Variants in HTR1E observed in about 807,000 individuals in gnomAD.
HTR1E encodes 5-HT-1E.
Under a neutral mutation model 3.4 loss-of-function variants are expected in HTR1E, and 3 were observed. That is an observed-to-expected ratio of 0.89 (90% CI 0.41 to 2.31). The LOEUF (loss-of-function observed/expected upper bound fraction) is 2.31, where lower values mean the gene tolerates loss of function less well. HTR1E is among the 30% of genes most tolerant of loss of function. The pLI is 0.05. For missense variants in HTR1E, 392 were observed against 467.0 expected (o/e 0.84, Z 1.48); for synonymous variants, 170 against 182.8 (o/e 0.93, Z 0.56).
At chr6:87,000,744 T>C (rs1334718140) in intron 1 of HTR1E, among the ~76,000 whole-genome samples, 1 of 152,156 alleles carries the variant, frequency 6.6e-6, no homozygotes, top group Non-Finnish European at 1.5e-5. Flanking sequence ...CTGCAAGAAA[T>C]GCAAAGGAAG....
intron 1 of HTR1E, among the ~76,000 whole-genome samples, chr6:86,956,065 C>T (rs1767318234): frequency 6.6e-6 from 1 of 152,156 alleles, no homozygotes; most frequent in African/African-American, 2.4e-5. Context: ...GATCTCAAGA[C>T]TGACCAAAGA....
At chr6:87,009,557 G>C (rs1230815532) in intron 1 of HTR1E, among the ~76,000 whole-genome samples, 1 of 148,548 alleles carries the variant, frequency 6.7e-6, no homozygotes, top group African/African-American at 2.5e-5. Flanking sequence ...ATCCTGGCCC[G>C]TTCTCAATGA....
intron 1 of HTR1E, among the ~76,000 whole-genome samples, chr6:86,963,827 A>C (rs987802701): frequency 2.0e-5 from 3 of 152,338 alleles, no homozygotes; most frequent in Middle Eastern, 3.4e-3. Flanking sequence ...ATGTTCACAC[A>C]GGGACAAAAT....
intron 1 of HTR1E, among the ~76,000 whole-genome samples, chr6:86,939,266 TA>T (rs1301720084): frequency 4.6e-5 from 7 of 152,228 alleles, no homozygotes; most frequent in African/African-American, 1.7e-4. Flanking sequence ...GCCCACCTCC[TA>T]AGTGGGACTC....
At chr6:86,938,715 C>T (rs750709470) in intron 1 of HTR1E, among the ~76,000 whole-genome samples, 21 of 152,194 alleles carry the variant, frequency 1.4e-4, no homozygotes, top group Non-Finnish European at 2.8e-4. Context: ...TGCACCAAAT[C>T]TCTTGGGGAG....
intron 1 of HTR1E, among the ~76,000 whole-genome samples, chr6:86,941,393 A>G (rs946870413): frequency 6.6e-6 from 1 of 152,206 alleles, no homozygotes. Flanking sequence ...TGTCTCATGC[A>G]CTGTGGATTA....
intron 1 of HTR1E, among the ~76,000 whole-genome samples, chr6:86,952,963 G>A (rs1361816133): frequency 6.6e-6 from 1 of 152,120 alleles, no homozygotes; most frequent in African/African-American, 2.4e-5. Context: ...AGGTTTTATG[G>A]GCTTCCATTA....
chr6:86,948,700 T>TG (rs1197738982), intron 1 of HTR1E, among the ~76,000 whole-genome samples: 1 of 152,052 alleles, frequency 6.6e-6, no homozygotes, highest in African/African-American at 2.4e-5. Context: ...AAGAGTGACA[T>TG]GGGACCCAGG....
Position 86,979,315 on chromosome 6 carries a change from A to G in HTR1E, c.-185-35835A>G, listed in dbSNP as rs752705409. On this transcript the variant is annotated intron_variant, in intron 1 of 1. Coordinates refer to ENST00000305344, the MANE Select transcript of HTR1E (RefSeq NM_000865.3). ...AACCATAATCATATGCAAATTTGTT[A>G]TGTATGTGTATATACTTTTCTGAAA... is the stretch of plus-strand genomic sequence containing the variant. 2.5e-4 allele frequency among the ~76,000 whole-genome samples: 38 copies of G among 152,338 alleles called. 1 individual carries two copies. The Middle Eastern group carries it at 0.014, about 55-fold the overall frequency.
intron 1 of HTR1E, among the ~76,000 whole-genome samples, chr6:86,975,661 A>T (rs985204903): frequency 1.1e-4 from 17 of 152,074 alleles, no homozygotes; most frequent in Admixed American, 9.2e-4. Flanking sequence ...ATTACAAATA[A>T]TAAAATTTTT....
At chr6:87,006,120 C>T (rs1478068619) in intron 1 of HTR1E, among the ~76,000 whole-genome samples, 1 of 152,212 alleles carries the variant, frequency 6.6e-6, no homozygotes, top group Non-Finnish European at 1.5e-5. Flanking sequence ...AATCCTTGTA[C>T]ACTGTTGGTG....
intron 1 of HTR1E, among the ~76,000 whole-genome samples, chr6:86,940,597 T>C (rs187422441): frequency 6.6e-6 from 1 of 152,200 alleles, no homozygotes; most frequent in African/African-American, 2.4e-5. Flanking sequence ...CCTCAGGCCC[T>C]GAACTTTTGT....
chr6:87,000,889 A>G (rs1768012587), intron 1 of HTR1E, among the ~76,000 whole-genome samples: 1 of 152,246 alleles, frequency 6.6e-6, no homozygotes, highest in Non-Finnish European at 1.5e-5. Flanking sequence ...TCATATCTTG[A>G]GTAGAAAGAT....
chr6:86,958,987 G>C (rs1767366911), intron 1 of HTR1E, among the ~76,000 whole-genome samples: 1 of 147,192 alleles, frequency 6.8e-6, no homozygotes, highest in Non-Finnish European at 1.5e-5. Context: ...TGTGTGTACA[G>C]AAAGAGAGAG....
At chr6:86,993,179 T>C (rs1447951096) in intron 1 of HTR1E, among the ~76,000 whole-genome samples, 31 of 151,978 alleles carry the variant, frequency 2.0e-4, no homozygotes, top group Admixed American at 2.0e-3. Context: ...TTTCAGACAA[T>C]GGGTAAAACT....
intron 1 of HTR1E, among the ~76,000 whole-genome samples, chr6:86,945,927 T>C (rs950717590): frequency 6.6e-6 from 1 of 151,966 alleles, no homozygotes; most frequent in Non-Finnish European, 1.5e-5. Context: ...TTAGTAGAGA[T>C]GGGGATTCAC....
chr6:87,010,856 G>C (rs889077634), intron 1 of HTR1E, among the ~76,000 whole-genome samples: 1 of 152,108 alleles, frequency 6.6e-6, no homozygotes, highest in African/African-American at 2.4e-5. Flanking sequence ...GCTGCCTCCC[G>C]GGCGGCGCTC....
chr6:87,012,899 A>G (rs1562075450), intron 1 of HTR1E, among the ~76,000 whole-genome samples: 1 of 152,240 alleles, frequency 6.6e-6, no homozygotes, highest in Non-Finnish European at 1.5e-5. Flanking sequence ...CAGCATTCAG[A>G]GTCCATGTGG....
intron 1 of HTR1E, among the ~76,000 whole-genome samples, chr6:87,014,249 TAAAGTA>T (rs2127834354): frequency 7.3e-6 from 1 of 136,346 alleles, no homozygotes; most frequent in South Asian, 2.4e-4. Context: ...CCCTAGAACT[TAAAGTA>T]TAATAATAAT....
Sources: gnomAD v4.1 joint callset for allele counts (sites outside exome capture counted in the v4.1 genomes callset) on GRCh38, gnomAD v4.1.1 for gene constraint, MANE v1.5 for transcripts, NCBI Gene and HGNC (gene_info 2026-07-23, HGNC 2026-07-21) for gene names.